CNTN1: variants seen among roughly 807,000 people sequenced by gnomAD.
CNTN1 encodes the protein contactin 1.
A neutral mutation model predicts 126.4 loss-of-function variants in CNTN1; 38 were observed. The observed-to-expected ratio is 0.30, with a 90% CI of 0.23 to 0.39. The LOEUF (loss-of-function observed/expected upper bound fraction) is 0.39, where lower values mean the gene tolerates loss of function less well. Ranked by LOEUF, CNTN1 falls within the 10% of genes least tolerant of loss-of-function variation. The probability of loss-of-function intolerance (pLI) is 1.00; values close to 1 mark genes in which losing one functional copy is unlikely to be tolerated. For synonymous variants in CNTN1, 413 were observed against 422.6 expected (o/e 0.98, Z 0.28); for missense variants, 1,009 against 1,248.4 (o/e 0.81, Z 2.89).
intron 1 of CNTN1, among the ~76,000 whole-genome samples, chr12:40,747,018 G>T (rs747608859): frequency 1.3e-5 from 2 of 151,976 alleles, no homozygotes; most frequent in Admixed American, 1.3e-4. Context: ...GGTGGGGTAC[G>T]GGGAGCCCTC....
At chr12:40,813,940 G>C (rs1941174614) in intron 1 of CNTN1, among the ~76,000 whole-genome samples, 1 of 152,148 alleles carries the variant, frequency 6.6e-6, no homozygotes, top group South Asian at 2.1e-4. Flanking sequence ...TTTCTCTGAG[G>C]ATCAGTGGTG....
intron 16 of CNTN1, among the ~76,000 whole-genome samples, chr12:40,983,731 CTATATA>C (rs561403371): frequency 6.8e-6 from 1 of 147,048 alleles, no homozygotes; most frequent in Non-Finnish European, 1.5e-5. Flanking sequence ...TATTACAGTA[CTATATA>C]TATATACTAT....
intron 1 of CNTN1, among the ~76,000 whole-genome samples, chr12:40,702,862 C>T (rs937332931): frequency 2.3e-4 from 35 of 152,268 alleles, no homozygotes; most frequent in African/African-American, 8.2e-4. Context: ...TTGCATAAAA[C>T]ACAATTTATT....
intron 1 of CNTN1, among the ~76,000 whole-genome samples, chr12:40,765,421 T>C (rs1244588009): frequency 1.3e-5 from 2 of 152,178 alleles, no homozygotes; most frequent in African/African-American, 4.8e-5. Flanking sequence ...GGGAGTCTAA[T>C]AGTATCACCT....
chr12:41,062,576 T>G (rs185455272), intron 23 of CNTN1, among the ~76,000 whole-genome samples: 1 of 152,096 alleles, frequency 6.6e-6, no homozygotes, highest in East Asian at 1.9e-4. Flanking sequence ...TAAAAATGAA[T>G]CAAGCAATAA....
intron 1 of CNTN1, among the ~76,000 whole-genome samples, chr12:40,836,527 A>C (rs1942066538): frequency 6.6e-6 from 1 of 152,088 alleles, no homozygotes; most frequent in Non-Finnish European, 1.5e-5. Context: ...TGAAAAAGGG[A>C]AAAGAAAGGA....
At chr12:41,005,197 T>C (rs1948459358) in intron 17 of CNTN1, 1 of 152,162 alleles carries the variant, frequency 6.6e-6, no homozygotes, top group Admixed American at 6.5e-5. Flanking sequence ...GAAGCTTAGT[T>C]TGGCTAGATA....
intron 1 of CNTN1, among the ~76,000 whole-genome samples, chr12:40,859,631 T>G (rs11178790): frequency 0.16 from 24,617 of 152,050 alleles, 3,122 homozygotes; most frequent in African/African-American, 0.36. Context: ...TATCCCATCA[T>G]ATTGACAGCT....
intron 1 of CNTN1, among the ~76,000 whole-genome samples, chr12:40,754,553 T>C (rs1171662671): frequency 6.6e-6 from 1 of 151,802 alleles, no homozygotes; most frequent in East Asian, 2.0e-4. Context: ...AATCTGTGGA[T>C]GTGGAAAGCG....
At chr12:41,038,903 A>G (rs1949331728) in intron 23 of CNTN1, among the ~76,000 whole-genome samples, 1 of 152,094 alleles carries the variant, frequency 6.6e-6, no homozygotes. Context: ...TTGAAAAAAA[A>G]TGGAATAAAG....
At chr12:41,029,947 TA>T (rs1949114625) in intron 23 of CNTN1, among the ~76,000 whole-genome samples, 1 of 152,054 alleles carries the variant, frequency 6.6e-6, no homozygotes, top group Non-Finnish European at 1.5e-5. Context: ...ATTTTTGACA[TA>T]TTTTTCTTAA....
intron 21 of CNTN1, among the ~76,000 whole-genome samples, chr12:41,025,826 C>T (rs1440128035): frequency 2.0e-5 from 3 of 152,068 alleles, no homozygotes; most frequent in South Asian, 2.1e-4. Context: ...AAAACAAGAC[C>T]GCCTATCCCT....
intron 1 of CNTN1, among the ~76,000 whole-genome samples, chr12:40,721,706 C>A (rs181671397): frequency 8.5e-6 from 1 of 117,748 alleles, no homozygotes; most frequent in Non-Finnish European, 1.7e-5. Context: ...CCCCCCTCCC[C>A]CCACCCCACA....
intron 23 of CNTN1, among the ~76,000 whole-genome samples, chr12:41,036,790 G>T (rs1007599480): frequency 6.6e-6 from 1 of 152,036 alleles, no homozygotes; most frequent in Non-Finnish European, 1.5e-5. Context: ...TAGAATGATT[G>T]CTAGAAGTGC....
chr12:40,930,914 T>G (rs1013819398), intron 7 of CNTN1, among the ~76,000 whole-genome samples: 2 of 151,972 alleles, frequency 1.3e-5, no homozygotes, highest in African/African-American at 2.4e-5. Flanking sequence ...CCCTACTTCA[T>G]AGACTGAAAA....
intron 1 of CNTN1, among the ~76,000 whole-genome samples, chr12:40,735,922 G>T (rs2121283714): frequency 6.6e-6 from 1 of 152,212 alleles, no homozygotes; most frequent in South Asian, 2.1e-4. Flanking sequence ...AGAGGTGGGG[G>T]AGGTAGGTCT....
At chr12:40,984,625 A>G (rs1166761447) in intron 16 of CNTN1, among the ~76,000 whole-genome samples, 3 of 152,160 alleles carry the variant, frequency 2.0e-5, no homozygotes, top group Non-Finnish European at 2.9e-5. Flanking sequence ...ATCCACCCCC[A>G]TGACCCAAAC....
intron 1 of CNTN1, among the ~76,000 whole-genome samples, chr12:40,809,372 A>C (rs140389911): frequency 6.4e-4 from 98 of 152,302 alleles, no homozygotes; most frequent in African/African-American, 2.2e-3. Context: ...CTGGTACATT[A>C]ATATCCTTCT....
chr12:40,993,044 G>A (rs1432434754), intron 16 of CNTN1, 76 bp from the exon 17 acceptor site: 1 of 1,358,162 alleles, frequency 7.4e-7, no homozygotes, highest in Non-Finnish European at 1.0e-6. Context: ...CCCTGAAATA[G>A]TAAAATAAAA....
Sources: gnomAD v4.1 joint callset for allele counts (sites outside exome capture counted in the v4.1 genomes callset) on GRCh38, gnomAD v4.1.1 for gene constraint, MANE v1.5 for transcripts, NCBI Gene and HGNC (gene_info 2026-07-23, HGNC 2026-07-21) for gene names.